ASZ1: variants seen among roughly 807,000 people sequenced by gnomAD.
ASZ1 encodes the protein ankyrin repeat, SAM and basic leucine zipper domain-containing protein 1.
A neutral mutation model predicts 61.8 loss-of-function variants in ASZ1; 67 were observed. That is an observed-to-expected ratio of 1.08 (90% CI 0.89 to 1.33). The LOEUF is 1.33. Ranked by LOEUF, ASZ1 falls within the 40% of genes most tolerant of loss-of-function variation. The pLI is 0.00. For synonymous variants in ASZ1, 193 were observed against 192.7 expected (o/e 1.00, Z -0.01); for missense variants, 577 against 554.5 (o/e 1.04, Z -0.41).
At chr7:117,424,864 TATAAGA>T (rs1358850058) in intron 2 of ASZ1, among the ~76,000 whole-genome samples, 31 of 152,358 alleles carry the variant, frequency 2.0e-4, no homozygotes, top group African/African-American at 4.3e-4. Context: ...TCTCATTTCT[TATAAGA>T]ATAACAGGTA....
chr7:117,379,821 T>A, intron 10 of ASZ1, 117 bp downstream of exon 10: 2 of 626,062 alleles, frequency 3.2e-6, no homozygotes, highest in Non-Finnish European at 2.6e-6. Context: ...CCAAAATCTA[T>A]TACCCTGGGA....
chr7:117,399,391 A>C (rs1796635829), intron 4 of ASZ1, among the ~76,000 whole-genome samples: 1 of 152,208 alleles, frequency 6.6e-6, no homozygotes, highest in Non-Finnish European at 1.5e-5. Flanking sequence ...TTGTTCCTAG[A>C]GACACTTTCT....
chr7:117,367,669 T>G, intron 11 of ASZ1: 1 of 1,041,570 alleles, frequency 9.6e-7, no homozygotes, highest in Non-Finnish European at 1.2e-6. Context: ...TTCCTGAATA[T>G]ATGTATATAT....
chr7:117,377,988 GA>G (rs540388279), intron 10 of ASZ1, among the ~76,000 whole-genome samples: 10 of 146,814 alleles, frequency 6.8e-5, no homozygotes, highest in African/African-American at 1.5e-4. Context: ...ATCCCCAGGT[GA>G]AAAAAAAAAT....
At chr7:117,376,320 C>T (rs1208129449) in intron 10 of ASZ1, among the ~76,000 whole-genome samples, 2 of 152,064 alleles carry the variant, frequency 1.3e-5, no homozygotes, top group African/African-American at 4.8e-5. Flanking sequence ...AAGCTTCCCC[C>T]ACAAAATATC....
chr7:117,409,410 T>C (rs1332637551), intron 4 of ASZ1, among the ~76,000 whole-genome samples: 2 of 151,910 alleles, frequency 1.3e-5, no homozygotes, highest in Non-Finnish European at 2.9e-5. Flanking sequence ...TCAGTGTTCC[T>C]TTACAGTTTG....
chr7:117,369,828 C>T (rs1484614175), intron 10 of ASZ1, among the ~76,000 whole-genome samples: 2 of 152,184 alleles, frequency 1.3e-5, no homozygotes, highest in South Asian at 2.1e-4. Context: ...ATTAAGAACA[C>T]AGGCTCTTGA....
At chr7:117,426,544 C>G (rs1170432692) in intron 2 of ASZ1, among the ~76,000 whole-genome samples, 2 of 144,814 alleles carry the variant, frequency 1.4e-5, no homozygotes, top group African/African-American at 5.2e-5. Flanking sequence ...AACATTACAG[C>G]AGAGTAAATG....
At position 117,420,167 on chromosome 7, in the gene ASZ1, A is replaced by G; in HGVS notation, c.436T>C (p.Cys146Arg). The G allele has an allele frequency of 6.2e-7, 1 of 1,608,508 alleles. No individual in the cohort carries two copies. Among genetic ancestry groups the G allele is most frequent in the Non-Finnish European group, 8.5e-7 (1 of 1,177,756 alleles). Residue 146 changes from cysteine (C) to arginine (R), a missense_variant, in exon 4 of 13, where the codon TGT becomes CGT. Cys to Arg is a radical substitution (Grantham distance 180). Coordinates refer to ENST00000284629, the MANE Select transcript of ASZ1 (RefSeq NM_130768.3). ...AACAGATATAAAGGCTCTTACCTAC[A>G]AGCAACATTTGGATCAGCATTTCTT... ...LSRNADPNVACRRLMTPIMYA... is the reference protein window; with the variant it reads ...LSRNADPNVARRRLMTPIMYA...
chr7:117,426,488 C>CAAAAAAAAAAAAA (rs10625452), intron 2 of ASZ1, among the ~76,000 whole-genome samples: 56 of 33,960 alleles, frequency 1.6e-3, no homozygotes, highest in African/African-American at 2.8e-3. Flanking sequence ...GATAACATCT[C>CAAAAAAAAAAAAA]AAAAAAAAAA....
At chr7:117,389,174 C>CT (rs765121578) in intron 4 of ASZ1, among the ~76,000 whole-genome samples, 13,591 of 144,014 alleles carry the variant, frequency 0.094, 648 homozygotes, top group Middle Eastern at 0.12. Context: ...ATCCAGAAGT[C>CT]TTTTTTTTTT....
intron 4 of ASZ1, among the ~76,000 whole-genome samples, chr7:117,404,805 C>T (rs1796751269): frequency 6.6e-6 from 1 of 152,132 alleles, no homozygotes; most frequent in Non-Finnish European, 1.5e-5. Flanking sequence ...GGGGGATGGT[C>T]TGATCCCCAT....
intron 4 of ASZ1, among the ~76,000 whole-genome samples, chr7:117,396,426 T>C (rs1413562359): frequency 5.9e-5 from 9 of 152,198 alleles, no homozygotes. Flanking sequence ...TCTTCAGATA[T>C]ATGTTTTCGA....
At chr7:117,390,660 A>G (rs1278609937) in intron 4 of ASZ1, among the ~76,000 whole-genome samples, 2 of 152,148 alleles carry the variant, frequency 1.3e-5, no homozygotes, top group Non-Finnish European at 2.9e-5. Context: ...CCAGCAGTGT[A>G]CGTTTCCCTT....
chr7:117,379,168 TAC>T (rs58457982), intron 10 of ASZ1, among the ~76,000 whole-genome samples: 16,659 of 67,626 alleles, frequency 0.25, 1,794 homozygotes, highest in Middle Eastern at 0.39. Context: ...TATATATATA[TAC>T]ACACACACAC....
rs117505444 is a variant in ASZ1, at chr7:117,423,192, G to A, written c.206-833C>T. The stretch of plus-strand genomic sequence containing the variant: ...GAGCTAAAATAAAGGGAGATATCAG[G>A]TATTGAAAGTAAGTTTTTTTTGTTT... On this transcript the variant is annotated intron_variant, in intron 2 of 12. Transcript: ENST00000284629. 1.2e-4 allele frequency among the ~76,000 whole-genome samples: 19 copies of A among 152,134 alleles called. No individual in the cohort carries two copies. The East Asian group carries it at 2.7e-3, about 22-fold the overall frequency.
chr7:117,376,114 T>A (rs1177404537), intron 10 of ASZ1, among the ~76,000 whole-genome samples: 5 of 151,804 alleles, frequency 3.3e-5, no homozygotes, highest in Non-Finnish European at 5.9e-5. Flanking sequence ...ATATAAAGAA[T>A]GAAATGGGGT....
intron 4 of ASZ1, among the ~76,000 whole-genome samples, chr7:117,406,828 A>G (rs1050076189): frequency 3.3e-5 from 5 of 152,272 alleles, no homozygotes; most frequent in Middle Eastern, 6.8e-3. Context: ...ATGGGCAAAA[A>G]TGAGGTTAAA....
Position 117,422,335 on chromosome 7 carries a change from T to C in ASZ1, c.230A>G (p.Gln77Arg), listed in dbSNP as rs1797114540. The C allele has an allele frequency of 1.2e-6, 2 of 1,612,934 alleles. No individual in the cohort carries two copies. Among genetic ancestry groups the C allele is most frequent in the Middle Eastern group, 1.7e-4 (1 of 6,056 alleles). ...DSGISVDSNFQYGWTPLMYAA... is the reference protein window; with the variant it reads ...DSGISVDSNFRYGWTPLMYAA... ...ATACATAAGGGGAGTCCATCCATAC[T>C]GAAAGTTGGAATCTACACTAATGCC... is the stretch of plus-strand genomic sequence containing the variant. The change falls in exon 3 of 13, where the codon CAG becomes CGG. Residue 77 changes from glutamine (Q) to arginine (R), a missense_variant. Gln to Arg is a conservative substitution (Grantham distance 43). Transcript: ENST00000284629.
Sources: gnomAD v4.1 joint callset for allele counts (sites outside exome capture counted in the v4.1 genomes callset) on GRCh38, gnomAD v4.1.1 for gene constraint, MANE v1.5 for transcripts, NCBI Gene and HGNC (gene_info 2026-07-23, HGNC 2026-07-21) for gene names.